MPG: variants seen among roughly 807,000 people sequenced by gnomAD.
MPG encodes N-methylpurine DNA glycosylase.
MPG carries 33 observed loss-of-function variants against 31.7 expected under a neutral mutation model. That is an observed-to-expected ratio of 1.04 (90% CI 0.79 to 1.39). The LOEUF (loss-of-function observed/expected upper bound fraction) is 1.39. MPG is among the 40% of genes most tolerant of loss of function. The pLI is 0.00. For synonymous variants in MPG, 202 were observed against 169.2 expected (o/e 1.19, Z -1.51); for missense variants, 455 against 415.5 (o/e 1.10, Z -0.83).
chr16:82,818 G>A (rs754468133), intron 2 of MPG, among the ~76,000 whole-genome samples: 6 of 152,278 alleles, frequency 3.9e-5, no homozygotes, highest in African/African-American at 9.6e-5. Context: ...AGGTATCTTC[G>A]GCCTGCGGTC....
chr16:78,671 G>C (rs1279287566), intron 1 of MPG, among the ~76,000 whole-genome samples: 2 of 152,198 alleles, frequency 1.3e-5, no homozygotes, highest in Admixed American at 1.3e-4. Context: ...GGAGGACTTA[G>C]GTGCTGCTAA....
At chr16:81,789 A>C (rs1898246768) in intron 2 of MPG, among the ~76,000 whole-genome samples, 1 of 52,900 alleles carries the variant, frequency 1.9e-5, no homozygotes, top group African/African-American at 9.0e-5. Context: ...GCCCTCCTGA[A>C]TGCTCCCGGC....
chr16:77,720 G>C (rs1270073741), upstream of MPG, among the ~76,000 whole-genome samples: 1 of 152,174 alleles, frequency 6.6e-6, no homozygotes, highest in Non-Finnish European at 1.5e-5. Context: ...CACAAGCCTG[G>C]CGTCCACTTC....
chr16:82,818 G>C (rs754468133), intron 2 of MPG, among the ~76,000 whole-genome samples: 7 of 152,160 alleles, frequency 4.6e-5, no homozygotes, highest in Non-Finnish European at 8.8e-5. Context: ...AGGTATCTTC[G>C]GCCTGCGGTC....
At chr16:81,586 C>G (rs575078842) in intron 2 of MPG, among the ~76,000 whole-genome samples, 1 of 150,770 alleles carries the variant, frequency 6.6e-6, no homozygotes, top group African/African-American at 2.5e-5. Context: ...ACCCCTTCTT[C>G]CCACCACCCT....
chr16:83,012 C>T (rs755123005), intron 2 of MPG, 40 bp from the exon 3 acceptor site: 17 of 1,520,984 alleles, frequency 1.1e-5, no homozygotes, highest in Non-Finnish European at 1.4e-5. Flanking sequence ...GAGTGGACCC[C>T]CATCCCTTCC....
At chr16:85,267 T>C (rs1898396415) in intron 3 of MPG, 134 bp from the exon 4 acceptor site, 1 of 1,052,722 alleles carries the variant, frequency 9.5e-7, no homozygotes, top group Non-Finnish European at 1.4e-6. Context: ...ATGGTGCAGG[T>C]GCACAGAGCA....
upstream of MPG, among the ~76,000 whole-genome samples, chr16:77,366 C>T (rs1898115638): frequency 6.6e-6 from 1 of 152,156 alleles, no homozygotes; most frequent in Admixed American, 6.5e-5. Flanking sequence ...GTCCCCTAGG[C>T]CCTTCCGTCC....
In MPG at chr16:82,082, CA is replaced by C. The variant is rs1567124350; in HGVS notation, c.301-969del. Among the ~76,000 whole-genome samples the C allele has an allele frequency of 6.3e-4, 73 of 115,456 alleles. 1 individual carries two copies. The highest frequency in any genetic ancestry group is 3.0e-3 in the South Asian group (10 of 3,324). The allele number at this position is 115,456 out of a possible 152,430, so 75.7% of individuals were successfully genotyped here. On this transcript the variant is annotated intron_variant, in intron 2 of 3. Coordinates refer to ENST00000356432, the MANE Select transcript of MPG (RefSeq NM_001015052.3). ...CCGGGAAGGCCTCCTGAATGCTCCC[CA>C]CGCTGGCCCCTTCTTCCCACCACCC... is the stretch of plus-strand genomic sequence containing the variant.
chr16:82,947 C>T (rs570171870), intron 2 of MPG, 105 bp from the exon 3 acceptor site: 26 of 980,778 alleles, frequency 2.7e-5, no homozygotes, highest in African/African-American at 6.6e-5. Flanking sequence ...TAGACCTGGG[C>T]GGCTGACACA....
At chr16:82,863 G>A (rs1898288509) in intron 2 of MPG, among the ~76,000 whole-genome samples, 189 bp from the exon 3 acceptor site, 1 of 152,116 alleles carries the variant, frequency 6.6e-6, no homozygotes, top group Non-Finnish European at 1.5e-5. Context: ...GACAACTGGT[G>A]CCCTCAATAG....
upstream of MPG, among the ~76,000 whole-genome samples, chr16:77,645 C>G (rs1481248196): frequency 6.6e-6 from 1 of 152,206 alleles, no homozygotes; most frequent in Non-Finnish European, 1.5e-5. Flanking sequence ...GCAGAATCCG[C>G]GCCGCTCCCT....
intron 1 of MPG, 167 bp from the exon 2 acceptor site, chr16:79,258 T>C: frequency 6.4e-7 from 1 of 1,554,326 alleles, no homozygotes; most frequent in South Asian, 1.2e-5. Flanking sequence ...GCCTCGAGTG[T>C]GTCAGGGTGT....
rs1898407191 is a variant in MPG at position 85,426 on chromosome 16, A to C, written c.531A>C (p.Arg177=). 7 of 1,610,082 alleles carry C rather than the reference A, an allele frequency of 4.3e-6. No homozygotes were observed. The highest frequency in any genetic ancestry group is 5.9e-6 in the Non-Finnish European group (7 of 1,178,168). The change falls in exon 4 of 4, where the codon CGA becomes CGC. Residue 177 remains arginine (R), a synonymous_variant. Coordinates refer to ENST00000356432, the MANE Select transcript of MPG (RefSeq NM_001015052.3). ...SQGDGACVLL[R]ALEPLEGLET... Reference sequence around the variant, plus strand: ...GGGACGGGGCTTGCGTCTTGCTGCGAGCACTGGAGCCCCTGGAAGGTCTGG... The same window carrying C: ...GGGACGGGGCTTGCGTCTTGCTGCGCGCACTGGAGCCCCTGGAAGGTCTGG...
intron 2 of MPG, among the ~76,000 whole-genome samples, chr16:82,825 G>A (rs115535710): frequency 1.1e-4 from 17 of 152,272 alleles, no homozygotes; most frequent in Admixed American, 6.5e-4. Flanking sequence ...TTCGGCCTGC[G>A]GTCTGGTTGT....
chr16:79,445 AAAG>A lies in MPG; in HGVS notation c.49_51del (p.Lys17del). On this transcript the variant is annotated inframe_deletion, in exon 2 of 4. Transcript: ENST00000356432. ...TACAGTTTTGCCGACGGATGGGGCA[AAAG>A]AAGCAGCGACCAGCTAGAGCAGGGC... 1 of 1,613,202 alleles carries A rather than the reference AAAG, an allele frequency of 6.2e-7. No individual in the cohort carries two copies.
chr16:80,342 C>G (rs1035086356), intron 2 of MPG, among the ~76,000 whole-genome samples: 1 of 152,236 alleles, frequency 6.6e-6, no homozygotes, highest in Admixed American at 6.5e-5. Flanking sequence ...AAGGCCTTCC[C>G]TTTGTCCTTT....
chr16:79,683 C>G lies in MPG; in HGVS notation c.283C>G (p.Arg95Gly). 4 of 1,561,462 alleles carry G rather than the reference C, an allele frequency of 2.6e-6. No homozygotes were observed. The highest frequency in any genetic ancestry group is 3.5e-6 in the Non-Finnish European group (4 of 1,151,618). ...CGACCAGCCGGCAGTCCCCCTGGCC[C>G]GGGCATTTCTGGGACAGGTAATGTG... ...FFDQPAVPLA[R>G]AFLGQVLVRR... The change falls in exon 2 of 4, where the codon CGG becomes GGG. Residue 95 changes from arginine to glycine, a missense_variant. Arg to Gly is a moderately radical substitution (Grantham distance 125, BLOSUM62 -2). Transcript: ENST00000356432.
intron 2 of MPG, 126 bp downstream of exon 2, chr16:79,826 C>T: frequency 1.8e-6 from 2 of 1,097,884 alleles, no homozygotes; most frequent in Non-Finnish European, 2.6e-6. Flanking sequence ...CATTTAGCGG[C>T]TTTGCTCACA....
Sources: allele counts gnomAD v4.1 joint callset (sites outside exome capture counted in the v4.1 genomes callset), GRCh38; gene constraint gnomAD v4.1.1; transcripts MANE v1.5; gene names NCBI Gene and HGNC (gene_info 2026-07-23, HGNC 2026-07-21).